The following ABCA4 variants were observed in gnomAD, a reference collection of about 807,000 sequenced individuals.
ABCA4 encodes ATP binding cassette subfamily A member 4.
A neutral mutation model predicts 263.7 loss-of-function variants in ABCA4; 196 were observed. The ratio of observed to expected loss-of-function variants is 0.74; its 90% CI spans 0.66 to 0.84. The LOEUF (loss-of-function observed/expected upper bound fraction) is 0.84, where lower values mean the gene tolerates loss of function less well. Ranked by LOEUF, ABCA4 falls within the 40% of genes least tolerant of loss-of-function variation. The probability of loss-of-function intolerance (pLI) is 0.00; values close to 1 mark genes in which losing one functional copy is unlikely to be tolerated. For missense variants in ABCA4, 2,792 were observed against 2,855.1 expected (o/e 0.98, Z 0.50); for synonymous variants, 1,133 against 1,094.2 (o/e 1.04, Z -0.70).
In ABCA4 at chr1:94,077,721, C is replaced by T. The variant is rs375961838; in HGVS notation, c.1523G>A (p.Arg508His). 27 of 1,613,670 alleles carry T rather than the reference C, an allele frequency of 1.7e-5. No individual in the cohort carries two copies. Among genetic ancestry groups the T allele is most frequent in the East Asian group, 1.3e-4 (6 of 44,870 alleles). ...GTATTGATTGACCAGGCGGAGGGTG[C>T]GATCAGTGATGTTAAATATGTCCCT... ...DWRDIFNITD[R>H]TLRLVNQYLE... is the part of the protein sequence containing the mutation. The change falls in exon 11 of 50, where the codon CGC becomes CAC. Residue 508 changes from arginine to histidine, a missense_variant. By Grantham distance (29) the Arg-to-His change is conservative. Coordinates refer to ENST00000370225, the MANE Select transcript of ABCA4 (RefSeq NM_000350.3).
intron 3 of ABCA4, among the ~76,000 whole-genome samples, chr1:94,109,556 C>T (rs1662542543): frequency 6.6e-6 from 1 of 152,134 alleles, no homozygotes; most frequent in South Asian, 2.1e-4. Flanking sequence ...ATTGCCCAGG[C>T]CGAGGTATTG....
At chr1:94,064,831 C>T (rs1661222417) in intron 11 of ABCA4, among the ~76,000 whole-genome samples, 1 of 152,006 alleles carries the variant, frequency 6.6e-6, no homozygotes. Flanking sequence ...AGTGCTAAGA[C>T]CAGGGGAGTT....
At chr1:94,072,671 A>G (rs1015831248) in intron 11 of ABCA4, among the ~76,000 whole-genome samples, 2 of 152,210 alleles carry the variant, frequency 1.3e-5, no homozygotes, top group Non-Finnish European at 2.9e-5. Flanking sequence ...TGCCTGTATG[A>G]GGACCCATTT....
intron 7 of ABCA4, among the ~76,000 whole-genome samples, chr1:94,082,566 T>C (rs1312894567): frequency 6.6e-6 from 1 of 152,212 alleles, no homozygotes; most frequent in African/African-American, 2.4e-5. Context: ...TCGGCCCAGG[T>C]TGAGATGCGT....
chr1:94,045,318 CTTTTTTTTT>C (rs10717749), intron 19 of ABCA4, among the ~76,000 whole-genome samples: 1 of 132,630 alleles, frequency 7.5e-6, no homozygotes, highest in East Asian at 2.3e-4. Context: ...CAATGGTGGG[CTTTTTTTTT>C]TTTTTTTTTT....
At chr1:94,071,989 T>C (rs1661412169) in intron 11 of ABCA4, among the ~76,000 whole-genome samples, 1 of 152,198 alleles carries the variant, frequency 6.6e-6, no homozygotes, top group African/African-American at 2.4e-5. Flanking sequence ...AATTCACAAA[T>C]ATTTATATAT....
At chr1:94,108,826 G>A in intron 3 of ABCA4, 110 bp from the exon 4 acceptor site, 3 of 1,334,728 alleles carry the variant, frequency 2.2e-6, no homozygotes, top group Non-Finnish European at 3.1e-6. Context: ...AGGCTGGAGT[G>A]CAGTGGCGTG....
Position 94,021,846 on chromosome 1 carries a change from C to T in ABCA4, c.4773G>A (p.Gly1591=), listed in dbSNP as rs751844313. The T allele has an allele frequency of 2.5e-6, 4 of 1,614,066 alleles. No individual in the cohort carries two copies. The highest frequency in any genetic ancestry group is 3.4e-6 in the Non-Finnish European group (4 of 1,179,992). Residue 1591 remains glycine, a splice_region_variant and synonymous_variant, in exon 33 of 50, where the codon GGG becomes GGA. Transcript: ENST00000370225. ...TCAAATCTCCAGTCTGTTTACATAC[C>T]CCGCTCACATTCATGATCCGGCCAA... ...SDLGRIMNVS[G]GPITREASKE...
chr1:94,012,969 G>A (rs1032867504), intron 38 of ABCA4, among the ~76,000 whole-genome samples: 1 of 150,084 alleles, frequency 6.7e-6, no homozygotes, highest in Admixed American at 6.6e-5. Context: ...GGTTTCCATA[G>A]CAGCTGTGTA....
chr1:94,117,378 T>A (rs1008646117), intron 1 of ABCA4, among the ~76,000 whole-genome samples: 14 of 152,106 alleles, frequency 9.2e-5, no homozygotes, highest in African/African-American at 3.4e-4. Flanking sequence ...ATCCTCGGCT[T>A]GATGCTGAAC....
chr1:94,077,615 A>T, intron 11 of ABCA4, 75 bp downstream of exon 11: 1 of 1,388,824 alleles, frequency 7.2e-7, no homozygotes, highest in Non-Finnish European at 9.8e-7. Flanking sequence ...AGACCACTTG[A>T]CTTGCTAAGG....
chr1:94,014,854 A>G (rs1402879268), intron 37 of ABCA4, among the ~76,000 whole-genome samples, 164 bp from the exon 38 acceptor site: 3 of 152,230 alleles, frequency 2.0e-5, no homozygotes, highest in African/African-American at 4.8e-5. Flanking sequence ...TCTGTGCCTC[A>G]ACTTTAAATG....
chr1:94,091,994 G>A (rs897982220), intron 6 of ABCA4, among the ~76,000 whole-genome samples: 1 of 152,200 alleles, frequency 6.6e-6, no homozygotes, highest in Admixed American at 6.5e-5. Context: ...TGTTGGCATA[G>A]TATTTCTGAT....
rs1055992172 is a variant in ABCA4 at position 94,063,428 on chromosome 1, T to A, written c.1555-111A>T. 3.8e-5 allele frequency: 40 copies of A among 1,042,152 alleles called. No individual in the cohort carries two copies. The South Asian group carries it at 5.1e-4, about 13-fold the overall frequency. 64.6% of individuals were successfully genotyped at this position (1,042,152 alleles called of 1,614,324 possible). On this transcript the variant is annotated intron_variant, in intron 11 of 49. Transcript: ENST00000370225. ...GCTGCTGTCCCAGGAAATGGTCAAA[T>A]GCAAGGAGGCCTATAAACTTAATGT...
chr1:93,993,075 C>T lies in ABCA4; in HGVS notation c.*162G>A. 2.3e-6 allele frequency: 2 copies of T among 882,662 alleles called. No homozygotes were observed. Among genetic ancestry groups the T allele is most frequent in the East Asian group, 2.7e-5 (1 of 37,602 alleles). 54.7% of individuals were successfully genotyped at this position (882,662 alleles called of 1,614,324 possible). A position where few individuals can be genotyped will look rare whatever the true frequency, so the allele number is the denominator to read the frequency against. ...TCAGTTTCGGTTTCCTTCTGAAAGA[C>T]CTCTTTCTGAATTCGCTGCATGCTC... On this transcript the variant is annotated 3_prime_UTR_variant, in exon 50 of 50. Coordinates refer to ENST00000370225, the MANE Select transcript of ABCA4 (RefSeq NM_000350.3).
intron 20 of ABCA4, 152 bp from the exon 21 acceptor site, chr1:94,043,627 C>G: frequency 2.8e-6 from 3 of 1,053,082 alleles, no homozygotes; most frequent in Non-Finnish European, 4.2e-6. Context: ...AAATAGCAGA[C>G]CCTGCTTAAA....
In ABCA4 at chr1:94,031,922, G is replaced by A. The variant is rs752552677; in HGVS notation, c.3984C>T (p.His1328=). 1.2e-6 allele frequency: 2 copies of A among 1,614,162 alleles called. No individual in the cohort carries two copies. The highest frequency in any genetic ancestry group is 8.5e-7 in the Non-Finnish European group (1 of 1,180,024). ...GCTCTGGGGGAGGCTGGCCCTCTGG[G>A]TGAGCAGCCGGCGCCCCTGGGGAGC... is the stretch of plus-strand genomic sequence containing the variant. ...NVCSPGAPAA[H]PEGQPPPEPE... The change falls in exon 27 of 50, where the codon CAC becomes CAT. Residue 1328 remains histidine (H), a synonymous_variant. Transcript: ENST00000370225.
At chr1:94,004,991 TTTC>T (rs1340095525) in intron 44 of ABCA4, among the ~76,000 whole-genome samples, 6 of 152,346 alleles carry the variant, frequency 3.9e-5, no homozygotes, top group East Asian at 1.9e-4. Flanking sequence ...TACTGAGACT[TTTC>T]TTCTTCTTTT....
intron 8 of ABCA4, among the ~76,000 whole-genome samples, chr1:94,079,767 C>T (rs1390528966): frequency 1.3e-5 from 2 of 152,170 alleles, no homozygotes; most frequent in African/African-American, 2.4e-5. Flanking sequence ...TGAGGCCTTT[C>T]TCAGATGAAA....
Sources: allele counts gnomAD v4.1 joint callset (sites outside exome capture counted in the v4.1 genomes callset), GRCh38; gene constraint gnomAD v4.1.1; transcripts MANE v1.5; gene names NCBI Gene and HGNC (gene_info 2026-07-23, HGNC 2026-07-21).